The following SLC25A12 variants were observed in gnomAD, a reference collection of about 807,000 sequenced individuals.
SLC25A12 encodes the protein solute carrier family 25 member 12.
Under a neutral mutation model 83.3 loss-of-function variants are expected in SLC25A12, and 32 were observed. The ratio of observed to expected loss-of-function variants is 0.38; its 90% CI spans 0.29 to 0.52. The LOEUF is 0.52. Among genes scored for constraint, SLC25A12 ranks in the 20% least tolerant of loss-of-function variants. The pLI, the probability that SLC25A12 is intolerant of heterozygous loss-of-function variation, is 0.84. For synonymous variants in SLC25A12, 267 were observed against 291.1 expected, an observed-to-expected ratio of 0.92 and a Z score of 0.84; for missense variants, 611 against 835.6, an observed-to-expected ratio of 0.73 and a Z score of 3.31.
intron 4 of SLC25A12, among the ~76,000 whole-genome samples, chr2:171,845,008 C>T (rs1233664617): frequency 6.6e-6 from 1 of 152,092 alleles, no homozygotes; most frequent in Admixed American, 6.5e-5. Flanking sequence ...GAAAAACTAT[C>T]AAAAGCATAT....
At chr2:171,797,545 T>G (rs755088812) in intron 13 of SLC25A12, among the ~76,000 whole-genome samples, 1 of 152,230 alleles carries the variant, frequency 6.6e-6, no homozygotes, top group Non-Finnish European at 1.5e-5. Flanking sequence ...ATGTATTAAC[T>G]ACGCAACAAC....
intron 5 of SLC25A12, among the ~76,000 whole-genome samples, chr2:171,840,336 T>C (rs960271351): frequency 2.6e-5 from 4 of 151,594 alleles, no homozygotes; most frequent in East Asian, 1.9e-4. Flanking sequence ...CAGTGAGCCA[T>C]GATCCTGTCA....
chr2:171,789,595 T>C (rs570704603), intron 15 of SLC25A12, among the ~76,000 whole-genome samples: 1 of 152,310 alleles, frequency 6.6e-6, no homozygotes, highest in South Asian at 2.1e-4. Flanking sequence ...TGTCCTTGGC[T>C]GCACCAACAC....
At chr2:171,886,936 T>G (rs1685835401) in intron 2 of SLC25A12, among the ~76,000 whole-genome samples, 1 of 152,192 alleles carries the variant, frequency 6.6e-6, no homozygotes, top group Non-Finnish European at 1.5e-5. Flanking sequence ...CTTTTCAGAG[T>G]CTTTGTTTCC....
At chr2:171,790,870 C>A (rs1261496562) in intron 15 of SLC25A12, among the ~76,000 whole-genome samples, 1 of 152,034 alleles carries the variant, frequency 6.6e-6, no homozygotes, top group Non-Finnish European at 1.5e-5. Context: ...CACCACTACA[C>A]CTGGCTAATG....
intron 13 of SLC25A12, among the ~76,000 whole-genome samples, chr2:171,804,908 G>A (rs989448807): frequency 6.6e-6 from 1 of 152,162 alleles, no homozygotes; most frequent in Non-Finnish European, 1.5e-5. Flanking sequence ...TAGATCTTAC[G>A]GATGGGATGG....
chr2:171,820,286 C>A (rs1245962883), intron 9 of SLC25A12, among the ~76,000 whole-genome samples: 1 of 152,074 alleles, frequency 6.6e-6, no homozygotes, highest in Non-Finnish European at 1.5e-5. Flanking sequence ...AGCTTATATT[C>A]CATAGTTTTT....
At chr2:171,886,658 C>A (rs932112383) in intron 2 of SLC25A12, among the ~76,000 whole-genome samples, 1 of 151,814 alleles carries the variant, frequency 6.6e-6, no homozygotes, top group Non-Finnish European at 1.5e-5. Context: ...TACAGGCACC[C>A]GCCACCATGC....
intron 4 of SLC25A12, chr2:171,852,604 C>CA: frequency 2.3e-6 from 1 of 440,164 alleles, no homozygotes; most frequent in South Asian, 1.6e-5. Context: ...TTTACCTAAA[C>CA]ATGTGCCTAT....
At chr2:171,834,982 ACAAC>A in intron 6 of SLC25A12, 117 bp from the exon 7 acceptor site, 1 of 1,032,088 alleles carries the variant, frequency 9.7e-7, no homozygotes, top group Non-Finnish European at 1.5e-6. Flanking sequence ...AATGATGTTA[ACAAC>A]CAGTACATAA....
chr2:171,894,148 G>A (rs1686001762), intron 1 of SLC25A12, 55 bp downstream of exon 1: 2 of 1,588,478 alleles, frequency 1.3e-6, no homozygotes, highest in Non-Finnish European at 1.7e-6. Flanking sequence ...GCTGCAGGCA[G>A]GGCGCTCGGA....
chr2:171,826,555 G>A (rs1248568247), intron 9 of SLC25A12, among the ~76,000 whole-genome samples: 1 of 152,144 alleles, frequency 6.6e-6, no homozygotes, highest in African/African-American at 2.4e-5. Context: ...GTTGCAGTAA[G>A]CCGAGATCAC....
chr2:171,837,317 G>T (rs1684580847), intron 5 of SLC25A12, 50 bp from the exon 6 acceptor site: 2 of 1,595,712 alleles, frequency 1.3e-6, no homozygotes, highest in South Asian at 2.2e-5. Context: ...CACATTCCAA[G>T]TACATGGTTT....
At chr2:171,865,885 C>T (rs551330177) in intron 3 of SLC25A12, among the ~76,000 whole-genome samples, 151 of 150,642 alleles carry the variant, frequency 1.0e-3, no homozygotes, top group Middle Eastern at 3.4e-3. Flanking sequence ...GGGTGTTTCT[C>T]GCAGAGGGGG....
intron 13 of SLC25A12, among the ~76,000 whole-genome samples, chr2:171,802,252 C>G (rs929769739): frequency 6.6e-6 from 1 of 152,146 alleles, no homozygotes; most frequent in Non-Finnish European, 1.5e-5. Context: ...GCCATCTTCC[C>G]ACCTCAGCCT....
intron 4 of SLC25A12, among the ~76,000 whole-genome samples, chr2:171,847,465 G>A (rs919911747): frequency 2.6e-5 from 4 of 152,160 alleles, no homozygotes; most frequent in Non-Finnish European, 2.9e-5. Flanking sequence ...CAGGTCCTGC[G>A]TGACATGAAA....
At chr2:171,868,183 TATA>T (rs1685379108) in intron 3 of SLC25A12, among the ~76,000 whole-genome samples, 1 of 151,772 alleles carries the variant, frequency 6.6e-6, no homozygotes, top group Non-Finnish European at 1.5e-5. Flanking sequence ...ATCCCCAAAA[TATA>T]ATAATAATAT....
intron 4 of SLC25A12, among the ~76,000 whole-genome samples, chr2:171,855,375 C>CTA (rs1553474938): frequency 1.3e-5 from 2 of 152,098 alleles, no homozygotes; most frequent in Non-Finnish European, 2.9e-5. Flanking sequence ...GTTCAGAGAA[C>CTA]ACTAATTTTG....
chr2:171,839,226 T>C (rs764461369), intron 5 of SLC25A12, among the ~76,000 whole-genome samples: 7 of 152,204 alleles, frequency 4.6e-5, no homozygotes, highest in Non-Finnish European at 8.8e-5. Context: ...GAGAATTTTA[T>C]AAGGTGAGTT....
Sources: allele counts gnomAD v4.1 joint callset (sites outside exome capture counted in the v4.1 genomes callset), GRCh38; gene constraint gnomAD v4.1.1; transcripts MANE v1.5; gene names NCBI Gene and HGNC (gene_info 2026-07-23, HGNC 2026-07-21).